The following WDR18 variants were observed in gnomAD, a reference collection of about 807,000 sequenced individuals.
The protein encoded by WDR18 is WD repeat-containing protein 18.
Under a neutral mutation model 49.6 loss-of-function variants are expected in WDR18, and 33 were observed. The observed-to-expected ratio is 0.67, with a 90% CI of 0.50 to 0.89. The LOEUF (loss-of-function observed/expected upper bound fraction) is 0.89, where lower values mean the gene tolerates loss of function less well. WDR18 is among the 40% of genes least tolerant of loss of function. The probability of loss-of-function intolerance (pLI) is 0.00; values close to 1 mark genes in which losing one functional copy is unlikely to be tolerated. For missense variants in WDR18, 653 were observed against 593.6 expected (o/e 1.10, Z -1.04); for synonymous variants, 315 against 263.6 (o/e 1.19, Z -1.89).
At chr19:985,713 A>C in intron 1 of WDR18, 152 bp from the exon 2 acceptor site, 4 of 641,374 alleles carry the variant, frequency 6.2e-6, no homozygotes, top group Non-Finnish European at 1.1e-5. Flanking sequence ...TCCTTGCTGG[A>C]CCATGCATTT....
chr19:991,586 C>G (rs1365485886), intron 7 of WDR18, among the ~76,000 whole-genome samples: 1 of 57,332 alleles, frequency 1.7e-5, no homozygotes, highest in Non-Finnish European at 3.2e-5. Context: ...TGGCTGGGAG[C>G]GTGAACTGGG....
chr19:984,207 C>T, upstream of WDR18: 1 of 872,250 alleles, frequency 1.1e-6, no homozygotes, highest in East Asian at 3.3e-5. Flanking sequence ...AATCCCACTT[C>T]ACAAGAAAGC....
intron 2 of WDR18, 76 bp from the exon 3 acceptor site, chr19:989,686 G>A: frequency 1.3e-6 from 2 of 1,585,408 alleles, no homozygotes; most frequent in South Asian, 2.3e-5. Context: ...GCAGTGGTGG[G>A]TTCCTGGGGC....
intron 8 of WDR18, 67 bp from the exon 9 acceptor site, chr19:993,953 G>A: frequency 6.6e-7 from 1 of 1,524,858 alleles, no homozygotes; most frequent in Non-Finnish European, 8.8e-7. Flanking sequence ...TGGCGGGGGT[G>A]GGATGGGCAA....
intron 7 of WDR18, 99 bp from the exon 8 acceptor site, chr19:991,856 G>T (rs2038559083): frequency 7.6e-7 from 1 of 1,321,458 alleles, no homozygotes; most frequent in Non-Finnish European, 9.8e-7. Flanking sequence ...GGCGGGGACT[G>T]GCTGGGGGCG....
Position 994,094 on chromosome 19 carries a change from C to T in WDR18, c.1167+6C>T, listed in dbSNP as rs746002901. 45 of 1,547,156 alleles carry T rather than the reference C, an allele frequency of 2.9e-5. No individual in the cohort carries two copies. The highest frequency in any genetic ancestry group is 1.7e-4 in the Middle Eastern group (1 of 5,896). On this transcript the variant is annotated splice_donor_region_variant and intron_variant, in intron 9 of 9. Coordinates refer to ENST00000585809, the MANE Select transcript of WDR18 (RefSeq NM_024100.4). The stretch of plus-strand genomic sequence containing the variant: ...TGTGCAGCACCATGGAGAAGGTGGG[C>T]GGGGCCTCGGGAGGGGCGGGGCCTG...
intron 2 of WDR18, among the ~76,000 whole-genome samples, chr19:986,844 G>A (rs771092093): frequency 2.0e-5 from 3 of 152,232 alleles, no homozygotes; most frequent in South Asian, 4.1e-4. Flanking sequence ...ATCACCGGCT[G>A]TGTTGTCACA....
intron 8 of WDR18, among the ~76,000 whole-genome samples, chr19:992,779 CTT>C (rs2038577206): frequency 6.6e-6 from 1 of 152,210 alleles, no homozygotes; most frequent in South Asian, 2.1e-4. Flanking sequence ...CCTGGGGAGG[CTT>C]CCCAGTGTGT....
At chr19:985,146 A>C (rs909824592) in intron 1 of WDR18, among the ~76,000 whole-genome samples, 3 of 152,102 alleles carry the variant, frequency 2.0e-5, no homozygotes, top group African/African-American at 4.8e-5. Context: ...TGGAGTCTAC[A>C]CACAACTCAT....
chr19:991,257 T>A lies in WDR18; in HGVS notation c.837T>A (p.Thr279=). 6.4e-7 allele frequency: 1 copy of A among 1,573,888 alleles called. No individual in the cohort carries two copies. The highest frequency in any genetic ancestry group is 1.2e-5 in the South Asian group (1 of 86,670). Residue 279 remains threonine, a synonymous_variant, in exon 7 of 10, where the codon ACT becomes ACA. Coordinates refer to ENST00000585809, the MANE Select transcript of WDR18 (RefSeq NM_024100.4). ...AGGTGACTTGCCTGTCAGTGTCCAC[T>A]GACGGCAGCGTGCTGCTCTCAGGCT... The part of the protein sequence containing the change: ...RNQVTCLSVS[T]DGSVLLSGSH...
intron 7 of WDR18, among the ~76,000 whole-genome samples, chr19:991,633 T>C (rs1343726295): frequency 3.0e-3 from 139 of 46,178 alleles, no homozygotes; most frequent in Middle Eastern, 0.014. Context: ...GGGCGTGGAC[T>C]GGCTGGGGGC....
chr19:984,352 A>C lies in WDR18; in HGVS notation c.-2A>C, dbSNP rs1599442616. On this transcript the variant is annotated 5_prime_UTR_variant, in exon 1 of 10. Coordinates refer to ENST00000585809, the MANE Select transcript of WDR18 (RefSeq NM_024100.4). The stretch of plus-strand genomic sequence containing the variant: ...CACGTCCGGGGCGGTGGGGAAGGCA[A>C]GATGGCGGCGCCCATGGAGGTGGCC... 1.3e-6 allele frequency: 2 copies of C among 1,589,222 alleles called. No homozygotes were observed. The highest frequency in any genetic ancestry group is 1.7e-6 in the Non-Finnish European group (2 of 1,170,176).
At position 991,136 on chromosome 19, in the gene WDR18, A is replaced by G; in HGVS notation, c.797A>G (p.Lys266Arg). 16 of 1,575,070 alleles carry G rather than the reference A, an allele frequency of 1.0e-5. No homozygotes were observed. The highest frequency in any genetic ancestry group is 1.4e-5 in the Non-Finnish European group (16 of 1,160,118). ...HPEQDAGKVF[K>R]GHRNQVTCLS... ...GAGCAGGACGCCGGGAAGGTCTTCAAAGGGCACAGGTGGGGACGTGGGAAC... is the reference window on the plus strand; with the variant it reads ...GAGCAGGACGCCGGGAAGGTCTTCAGAGGGCACAGGTGGGGACGTGGGAAC... The change falls in exon 6 of 10, where the codon AAA (lysine) becomes AGA (arginine). Residue 266 changes from lysine to arginine, a missense_variant. Lys to Arg is a conservative substitution (Grantham distance 26). Transcript: ENST00000585809.
At chr19:989,178 G>GCCC (rs2145507643) in intron 2 of WDR18, among the ~76,000 whole-genome samples, 2 of 100,272 alleles carry the variant, frequency 2.0e-5, no homozygotes, top group African/African-American at 3.9e-5. Context: ...GAGCATCTCA[G>GCCC]TCCTCGAACC....
In WDR18 at chr19:990,309, G is replaced by A. The variant is rs1339168526; in HGVS notation, c.542G>A (p.Gly181Asp). Residue 181 changes from glycine to aspartate, a missense_variant, in exon 4 of 10, where the codon GGC (glycine) becomes GAC (aspartate). Transcript: ENST00000585809. ...CTCCCCATCACGGACCTGCACTGCG[G>A]CTTTGGGGGCCCCCTGGCCCGGGTG... ...HALPITDLHC[G>D]FGGPLARVAT... 1.9e-6 allele frequency: 3 copies of A among 1,597,070 alleles called. No individual in the cohort carries two copies. The highest frequency in any genetic ancestry group is 3.3e-5 in the Admixed American group (2 of 59,714).
At chr19:984,272 G>GGGCCGCCGCTCTGGCCCGCGT (rs1438591076), upstream of WDR18, 1 of 1,362,704 alleles carries the variant, frequency 7.3e-7, no homozygotes, top group South Asian at 1.7e-5. Context: ...TGGGGCCGCG[G>GGGCCGCCGCTCTGGCCCGCGT]GGCCGCCGCT....
intron 1 of WDR18, among the ~76,000 whole-genome samples, 154 bp from the exon 2 acceptor site, chr19:985,711 G>A (rs1323172326): frequency 2.0e-5 from 3 of 152,158 alleles, no homozygotes; most frequent in African/African-American, 7.2e-5. Flanking sequence ...CTTCCTTGCT[G>A]GACCATGCAT....
At chr19:984,684 C>T (rs1442360684) in intron 1 of WDR18, 121 bp downstream of exon 1, 11 of 1,084,146 alleles carry the variant, frequency 1.0e-5, no homozygotes, top group South Asian at 3.8e-5. Flanking sequence ...GAGGTGGTCT[C>T]CGTTCGGGCG....
At chr19:987,827 C>A (rs2038490175) in intron 2 of WDR18, among the ~76,000 whole-genome samples, 1 of 66,250 alleles carries the variant, frequency 1.5e-5, no homozygotes, top group East Asian at 4.8e-4. Flanking sequence ...TAGCCGCCTC[C>A]AGTTTTTTTT....
Sources: gnomAD v4.1 joint callset for allele counts (sites outside exome capture counted in the v4.1 genomes callset) on GRCh38, gnomAD v4.1.1 for gene constraint, MANE v1.5 for transcripts, NCBI Gene and HGNC (gene_info 2026-07-23, HGNC 2026-07-21) for gene names.